Variants in PCDH15 observed in about 807,000 individuals in gnomAD.
The protein encoded by PCDH15 is protocadherin related 15, also known as protocadherin-15.
A neutral mutation model predicts 178.5 loss-of-function variants in PCDH15; 129 were observed. The observed-to-expected ratio is 0.72, with a 90% CI of 0.63 to 0.84. The LOEUF (loss-of-function observed/expected upper bound fraction) is 0.84, where lower values mean the gene tolerates loss of function less well. PCDH15 is among the 40% of genes least tolerant of loss of function. The pLI is 0.00. For missense variants in PCDH15, 2,230 were observed against 2,099.9 expected, an observed-to-expected ratio of 1.06 and a Z score of -1.21; for synonymous variants, 800 against 732.0, an observed-to-expected ratio of 1.09 and a Z score of -1.50.
chr10:53,906,162 T>G (rs962080912), intron 25 of PCDH15, among the ~76,000 whole-genome samples: 2 of 152,052 alleles, frequency 1.3e-5, no homozygotes, highest in Non-Finnish European at 2.9e-5. Context: ...TATAAAGTTG[T>G]GAAAAAGGTG....
At chr10:55,578,456 C>T (rs915219168) in intron 2 of PCDH15, among the ~76,000 whole-genome samples, 1 of 151,968 alleles carries the variant, frequency 6.6e-6, no homozygotes, top group Non-Finnish European at 1.5e-5. Context: ...GCTGACCTCA[C>T]GATGCGCCCG....
At chr10:54,411,011 T>C (rs898879349) in intron 3 of PCDH15, among the ~76,000 whole-genome samples, 1 of 152,132 alleles carries the variant, frequency 6.6e-6, no homozygotes, top group African/African-American at 2.4e-5. Context: ...AATTGATATA[T>C]AGAGTTTAAG....
chr10:54,254,544 C>T (rs1309890091), intron 8 of PCDH15, among the ~76,000 whole-genome samples: 1 of 152,130 alleles, frequency 6.6e-6, no homozygotes, highest in Non-Finnish European at 1.5e-5. Flanking sequence ...ACTCCCACAG[C>T]TAGCATCTGA....
intron 21 of PCDH15, among the ~76,000 whole-genome samples, chr10:53,972,152 A>G (rs1239368698): frequency 6.6e-6 from 1 of 152,186 alleles, no homozygotes; most frequent in Non-Finnish European, 1.5e-5. Flanking sequence ...CAACCATCTG[A>G]TCTTTGACGA....
intron 2 of PCDH15, among the ~76,000 whole-genome samples, chr10:54,645,376 C>T (rs1190600690): frequency 6.6e-6 from 1 of 151,498 alleles, no homozygotes; most frequent in Non-Finnish European, 1.5e-5. Flanking sequence ...TTGAATGAAA[C>T]CTATTACAAG....
Position 55,503,514 on chromosome 10 carries a change from T to C in PCDH15, c.-156+124111A>G, listed in dbSNP as rs1840699467. On this transcript the variant is annotated intron_variant, in intron 2 of 5. Transcript: ENST00000613346. ...TAATTAATTACATTGAAGTCTTAGA[T>C]TTTCATACAATCTGAAATGTAGCAT... Among the ~76,000 whole-genome samples, 3 of 151,050 alleles carry C rather than the reference T, an allele frequency of 2.0e-5. No individual in the cohort carries two copies. The South Asian group carries it at 6.2e-4, about 31-fold the overall frequency.
chr10:54,200,364 T>C (rs1444149785), intron 10 of PCDH15, among the ~76,000 whole-genome samples: 1 of 151,454 alleles, frequency 6.6e-6, no homozygotes, highest in African/African-American at 2.4e-5. Flanking sequence ...CATGGTGGTT[T>C]GCTGTGCCCA....
At chr10:54,048,772 G>A (rs961467358) in intron 18 of PCDH15, among the ~76,000 whole-genome samples, 1 of 152,094 alleles carries the variant, frequency 6.6e-6, no homozygotes, top group African/African-American at 2.4e-5. Flanking sequence ...CTGTAGGCTT[G>A]TAGTATAGTT....
At chr10:53,949,082 G>A (rs184998702) in intron 23 of PCDH15, among the ~76,000 whole-genome samples, 26 of 152,292 alleles carry the variant, frequency 1.7e-4, no homozygotes, top group African/African-American at 6.0e-4. Flanking sequence ...GTTGAAGGAA[G>A]ACTTGCTTCA....
intron 13 of PCDH15, among the ~76,000 whole-genome samples, chr10:54,182,845 C>T (rs1020989995): frequency 6.6e-6 from 1 of 151,642 alleles, no homozygotes; most frequent in South Asian, 2.1e-4. Context: ...GGTCAAATAG[C>T]TATGCTTTTT....
intron 8 of PCDH15, among the ~76,000 whole-genome samples, chr10:54,307,036 G>GTA (rs2060528740): frequency 4.4e-5 from 1 of 22,732 alleles, no homozygotes; most frequent in Non-Finnish European, 9.0e-5. Flanking sequence ...ATATGTGTGT[G>GTA]TGTGTATATA....
chr10:54,259,013 TA>T (rs1290210209), intron 8 of PCDH15, among the ~76,000 whole-genome samples: 6 of 152,168 alleles, frequency 3.9e-5, no homozygotes, highest in Non-Finnish European at 8.8e-5. Flanking sequence ...TCGAATCTTA[TA>T]AAATATATTC....
intron 2 of PCDH15, among the ~76,000 whole-genome samples, chr10:54,941,842 T>C (rs1838071305): frequency 2.0e-5 from 3 of 152,118 alleles, no homozygotes; most frequent in East Asian, 1.9e-4. Flanking sequence ...CAATCTAATA[T>C]TGATCTTCAA....
At chr10:54,352,853 A>G (rs1412430506) in intron 5 of PCDH15, among the ~76,000 whole-genome samples, 1 of 152,182 alleles carries the variant, frequency 6.6e-6, no homozygotes, top group Non-Finnish European at 1.5e-5. Flanking sequence ...TTCCACGTTT[A>G]ATCAACAATG....
At chr10:54,674,846 T>G (rs1048939120) in intron 1 of PCDH15, among the ~76,000 whole-genome samples, 2 of 152,098 alleles carry the variant, frequency 1.3e-5, no homozygotes, top group African/African-American at 2.4e-5. Context: ...GTGTGTAATT[T>G]TATAATTGTA....
intron 2 of PCDH15, among the ~76,000 whole-genome samples, chr10:54,602,410 G>A (rs890915449): frequency 4.6e-5 from 7 of 151,848 alleles, no homozygotes; most frequent in Non-Finnish European, 1.0e-4. Flanking sequence ...AGACTTTTCT[G>A]CCTATACACC....
chr10:55,472,755 A>G (rs1839988422), intron 2 of PCDH15, among the ~76,000 whole-genome samples: 1 of 152,104 alleles, frequency 6.6e-6, no homozygotes, highest in African/African-American at 2.4e-5. Context: ...TTTTTAGTAG[A>G]GACGGGGTTT....
intron 2 of PCDH15, among the ~76,000 whole-genome samples, chr10:55,578,510 C>A (rs116803062): frequency 6.6e-6 from 1 of 152,214 alleles, no homozygotes; most frequent in Admixed American, 6.5e-5. Flanking sequence ...TAAGCCACTG[C>A]GCCCGGCCTG....
At chr10:54,987,154 T>C (rs778265851) in intron 2 of PCDH15, among the ~76,000 whole-genome samples, 1 of 152,176 alleles carries the variant, frequency 6.6e-6, no homozygotes, top group Non-Finnish European at 1.5e-5. Context: ...CTGAGAATTA[T>C]GGTTTCCAGC....
Sources: gnomAD v4.1 joint callset for allele counts (sites outside exome capture counted in the v4.1 genomes callset) on GRCh38, gnomAD v4.1.1 for gene constraint, MANE v1.5 for transcripts, NCBI Gene and HGNC (gene_info 2026-07-23, HGNC 2026-07-21) for gene names.